GRXCR2: variants seen among roughly 807,000 people sequenced by gnomAD.
The protein encoded by GRXCR2 is glutaredoxin and cysteine rich domain containing 2.
A neutral mutation model predicts 24.8 loss-of-function variants in GRXCR2; 23 were observed. The ratio of observed to expected loss-of-function variants is 0.93; its 90% CI spans 0.67 to 1.32. The LOEUF (loss-of-function observed/expected upper bound fraction) is 1.32, where lower values mean the gene tolerates loss of function less well. Among genes scored for constraint, GRXCR2 ranks in the 40% most tolerant of loss-of-function variants. The pLI is 0.00. For missense variants in GRXCR2, 315 were observed against 303.4 expected (o/e 1.04, Z -0.28); for synonymous variants, 130 against 116.1 (o/e 1.12, Z -0.77).
At chr5:145,885,196 G>A (rs1051557690) in intron 2 of GRXCR2, among the ~76,000 whole-genome samples, 1 of 151,892 alleles carries the variant, frequency 6.6e-6, no homozygotes, top group Admixed American at 6.6e-5. Context: ...TACGGCAGAA[G>A]GTTATTATAG....
chr5:145,870,642 T>C (rs1756513498), intron 1 of GRXCR2, among the ~76,000 whole-genome samples: 1 of 152,170 alleles, frequency 6.6e-6, no homozygotes, highest in Non-Finnish European at 1.5e-5. Context: ...CTAGGAAGTG[T>C]TTTACATTTG....
chr5:145,900,013 C>A (rs899104615), intron 2 of GRXCR2, among the ~76,000 whole-genome samples: 14 of 152,098 alleles, frequency 9.2e-5, no homozygotes, highest in Non-Finnish European at 1.9e-4. Context: ...CTGCATCCGA[C>A]AAAGTTTTAA....
intron 2 of GRXCR2, among the ~76,000 whole-genome samples, chr5:145,891,204 G>A (rs1581343531): frequency 6.6e-6 from 1 of 152,164 alleles, no homozygotes; most frequent in African/African-American, 2.4e-5. Context: ...CTCCCAGCTT[G>A]AGCGATGCAG....
intron 2 of GRXCR2, among the ~76,000 whole-genome samples, chr5:145,889,543 C>A (rs1756832104): frequency 6.6e-6 from 1 of 152,080 alleles, no homozygotes. Flanking sequence ...ACATCACTCA[C>A]TTTTTGAAGG....
At chr5:145,912,653 G>T (rs1290898843) in intron 2 of GRXCR2, among the ~76,000 whole-genome samples, 1 of 152,154 alleles carries the variant, frequency 6.6e-6, no homozygotes, top group Non-Finnish European at 1.5e-5. Context: ...GGAGTGGGTG[G>T]GCAGTGGAGA....
chr5:145,900,904 T>G (rs909174037), intron 2 of GRXCR2, among the ~76,000 whole-genome samples: 10 of 152,250 alleles, frequency 6.6e-5, no homozygotes, highest in Non-Finnish European at 2.9e-5. Flanking sequence ...TGCCCATCAG[T>G]GGTGGATTGT....
chr5:145,877,810 A>T (rs1455420263), upstream of GRXCR2, among the ~76,000 whole-genome samples: 1 of 152,220 alleles, frequency 6.6e-6, no homozygotes, highest in Non-Finnish European at 1.5e-5. Context: ...CCCCTCTGGG[A>T]TGAAGCTTCC....
chr5:145,875,830 C>T (rs978597007), upstream of GRXCR2, among the ~76,000 whole-genome samples: 2 of 152,064 alleles, frequency 1.3e-5, no homozygotes, highest in Admixed American at 1.3e-4. Flanking sequence ...CCAGGTGTCC[C>T]CCAGGACTAC....
chr5:145,869,477 G>A (rs4913046), intron 1 of GRXCR2, among the ~76,000 whole-genome samples: 31,889 of 151,536 alleles, frequency 0.21, 4,007 homozygotes, highest in East Asian at 0.59. Context: ...GAACCTGCTC[G>A]TTATTACAAT....
At position 145,858,976 on chromosome 5, in the gene GRXCR2, G is replaced by T. The variant is rs1452539369; in HGVS notation, c.*757C>A. ...TTATTTATTTGGTAGTAATTCAGGG[G>T]CTCGAAGAAGTTATATCATACACAC... On this transcript the variant is annotated 3_prime_UTR_variant, in exon 3 of 3. Transcript: ENST00000377976. The T allele has an allele frequency of 2.0e-5, 3 of 152,110 alleles. No homozygotes were observed. The highest frequency in any genetic ancestry group is 4.8e-5 in the African/African-American group (2 of 41,412). The allele number at this position is 152,110 out of a possible 1,614,324, so 9.4% of individuals were successfully genotyped here. A position where few individuals can be genotyped will look rare whatever the true frequency, so the allele number is the denominator to read the frequency against.
upstream of GRXCR2, among the ~76,000 whole-genome samples, chr5:145,876,175 T>G (rs554865037): frequency 2.8e-5 from 3 of 106,176 alleles, no homozygotes; most frequent in Admixed American, 1.1e-4. Flanking sequence ...TCTTAAAAAA[T>G]TGTATGTGTG....
intron 2 of GRXCR2, among the ~76,000 whole-genome samples, chr5:145,898,679 C>A (rs557488749): frequency 1.6e-4 from 24 of 152,062 alleles, no homozygotes; most frequent in African/African-American, 5.1e-4. Context: ...AAAACAAAAA[C>A]CATATTATCT....
At chr5:145,919,516 T>C (rs549569069) in intron 2 of GRXCR2, among the ~76,000 whole-genome samples, 143 of 152,306 alleles carry the variant, frequency 9.4e-4, no homozygotes, top group African/African-American at 3.3e-3. Flanking sequence ...TCCCACTCCC[T>C]GAGTTGCAAG....
intron 2 of GRXCR2, among the ~76,000 whole-genome samples, chr5:145,929,571 A>C (rs999949792): frequency 6.6e-6 from 1 of 152,186 alleles, no homozygotes; most frequent in African/African-American, 2.4e-5. Context: ...GGCACAATAC[A>C]ATTAACTAGA....
At chr5:145,901,232 C>A (rs569382818) in intron 2 of GRXCR2, among the ~76,000 whole-genome samples, 2 of 151,858 alleles carry the variant, frequency 1.3e-5, no homozygotes, top group Admixed American at 6.6e-5. Flanking sequence ...ATCATTTATA[C>A]CCCTGACCTC....
intron 2 of GRXCR2, among the ~76,000 whole-genome samples, chr5:145,878,915 C>A (rs1324335885): frequency 6.6e-6 from 1 of 152,108 alleles, no homozygotes; most frequent in African/African-American, 2.4e-5. Context: ...AGAAAATTTT[C>A]AACCCAGAAT....
intron 2 of GRXCR2, among the ~76,000 whole-genome samples, chr5:145,864,431 A>AG (rs1292109589): frequency 6.6e-6 from 1 of 152,100 alleles, no homozygotes; most frequent in East Asian, 1.9e-4. Flanking sequence ...GAAAGCTTAG[A>AG]GGGGGTGACT....
intron 2 of GRXCR2, among the ~76,000 whole-genome samples, chr5:145,884,299 G>T (rs372298213): frequency 3.3e-5 from 5 of 151,838 alleles, no homozygotes; most frequent in Non-Finnish European, 7.4e-5. Flanking sequence ...ATATATCAAC[G>T]AAAAAATGTT....
chr5:145,922,247 G>C (rs1757331682), intron 2 of GRXCR2, among the ~76,000 whole-genome samples: 1 of 152,172 alleles, frequency 6.6e-6, no homozygotes, highest in Non-Finnish European at 1.5e-5. Flanking sequence ...CCCACCCTTT[G>C]TGTCTCTGTA....
Sources: gnomAD v4.1 joint callset for allele counts (sites outside exome capture counted in the v4.1 genomes callset) on GRCh38, gnomAD v4.1.1 for gene constraint, MANE v1.5 for transcripts, NCBI Gene and HGNC (gene_info 2026-07-23, HGNC 2026-07-21) for gene names.